CUEDC1: variants seen among roughly 807,000 people sequenced by gnomAD.
CUEDC1 encodes the protein CUE domain containing 1.
CUEDC1 carries 30 observed loss-of-function variants against 43.7 expected under a neutral mutation model. That is an observed-to-expected ratio of 0.69 (90% CI 0.51 to 0.93). The LOEUF (loss-of-function observed/expected upper bound fraction) is 0.93, where lower values mean the gene tolerates loss of function less well. Among genes scored for constraint, CUEDC1 ranks in the 40% least tolerant of loss-of-function variants. The pLI, the probability that CUEDC1 is intolerant of heterozygous loss-of-function variation, is 0.00. For missense variants in CUEDC1, 486 were observed against 549.0 expected (o/e 0.89, Z 1.15); for synonymous variants, 223 against 223.6 (o/e 1.00, Z 0.02).
At chr17:57,866,723 G>A in intron 9 of CUEDC1, 179 bp from the exon 10 acceptor site, 1 of 601,830 alleles carries the variant, frequency 1.7e-6, no homozygotes, top group Non-Finnish European at 2.9e-6. Flanking sequence ...GGACACTCAG[G>A]TGCTGGCCAG....
chr17:57,950,531 G>A (rs943467389), intron 1 of CUEDC1, among the ~76,000 whole-genome samples: 8 of 149,750 alleles, frequency 5.3e-5, no homozygotes, highest in East Asian at 2.0e-4. Context: ...GGAGTGTAAC[G>A]CTGTGATCTC....
intron 1 of CUEDC1, among the ~76,000 whole-genome samples, chr17:57,889,193 G>A (rs987031246): frequency 1.1e-4 from 17 of 152,308 alleles, no homozygotes; most frequent in African/African-American, 4.1e-4. Context: ...AATGAAATAA[G>A]ATAATCCTCA....
At chr17:57,951,481 C>T (rs1392235743) in intron 1 of CUEDC1, among the ~76,000 whole-genome samples, 1 of 151,298 alleles carries the variant, frequency 6.6e-6, no homozygotes, top group Non-Finnish European at 1.5e-5. Flanking sequence ...TTTTTTGAGA[C>T]AGAGTCTCAC....
intron 1 of CUEDC1, among the ~76,000 whole-genome samples, chr17:57,928,595 C>T (rs10515151): frequency 0.061 from 9,146 of 151,144 alleles, 1,008 homozygotes; most frequent in African/African-American, 0.21. Context: ...AACAACCCTC[C>T]GATGCCTTGT....
chr17:57,915,880 C>T (rs17835083), intron 1 of CUEDC1, among the ~76,000 whole-genome samples: 12,777 of 152,262 alleles, frequency 0.084, 721 homozygotes, highest in Middle Eastern at 0.2. Context: ...TAAAGACATG[C>T]TCCCAAGCTG....
chr17:57,941,108 A>G (rs1233791958), intron 1 of CUEDC1, among the ~76,000 whole-genome samples: 1 of 152,214 alleles, frequency 6.6e-6, no homozygotes, highest in East Asian at 1.9e-4. Context: ...AGAAGGCATC[A>G]AGGAGGAGTC....
At chr17:57,922,593 G>A (rs2074708647) in intron 1 of CUEDC1, 1 of 152,166 alleles carries the variant, frequency 6.6e-6, no homozygotes, top group African/African-American at 2.4e-5. Context: ...CCTCGGGGCA[G>A]ACAATTCCAG....
chr17:57,941,076 G>A (rs2074912973), intron 1 of CUEDC1, among the ~76,000 whole-genome samples: 1 of 152,156 alleles, frequency 6.6e-6, no homozygotes, highest in African/African-American at 2.4e-5. Flanking sequence ...TGCTTCCCTT[G>A]CTCTGGGCGC....
chr17:57,938,915 G>A (rs1423128896), intron 1 of CUEDC1, among the ~76,000 whole-genome samples: 1 of 149,118 alleles, frequency 6.7e-6, no homozygotes, highest in East Asian at 2.0e-4. Flanking sequence ...GCCTGCCTCA[G>A]CCTCCAAAAT....
At chr17:57,882,426 C>G (rs1336189013) in intron 2 of CUEDC1, among the ~76,000 whole-genome samples, 1 of 152,090 alleles carries the variant, frequency 6.6e-6, no homozygotes, top group African/African-American at 2.4e-5. Flanking sequence ...GGTGGTGAAG[C>G]CTTGCAGAGG....
At chr17:57,913,223 G>GA (rs2074603142) in intron 1 of CUEDC1, among the ~76,000 whole-genome samples, 1 of 151,994 alleles carries the variant, frequency 6.6e-6, no homozygotes, top group Admixed American at 6.5e-5. Context: ...AACTACTTGG[G>GA]AGGCTGAGGC....
chr17:57,943,417 G>A (rs546095626), intron 1 of CUEDC1, among the ~76,000 whole-genome samples: 1 of 152,230 alleles, frequency 6.6e-6, no homozygotes, highest in East Asian at 1.9e-4. Context: ...GAAGTCACCC[G>A]AGTTCCCATC....
intron 1 of CUEDC1, chr17:57,903,023 G>C (rs1313264502): frequency 6.6e-6 from 1 of 152,254 alleles, no homozygotes; most frequent in African/African-American, 2.4e-5. Flanking sequence ...GGACAAAGAG[G>C]GAAACTGAGT....
intron 1 of CUEDC1, among the ~76,000 whole-genome samples, chr17:57,900,619 T>C (rs2074461077): frequency 6.6e-6 from 1 of 152,250 alleles, no homozygotes; most frequent in Non-Finnish European, 1.5e-5. Flanking sequence ...AATGTAGTAG[T>C]GCAGGTTATT....
At chr17:57,941,122 A>G (rs1243648332) in intron 1 of CUEDC1, among the ~76,000 whole-genome samples, 1 of 152,202 alleles carries the variant, frequency 6.6e-6, no homozygotes, top group Non-Finnish European at 1.5e-5. Flanking sequence ...AGGAGTCATC[A>G]AGAGAGCAGG....
At chr17:57,929,076 G>A (rs971948187) in intron 1 of CUEDC1, among the ~76,000 whole-genome samples, 1 of 152,076 alleles carries the variant, frequency 6.6e-6, no homozygotes, top group Non-Finnish European at 1.5e-5. Context: ...AAAAACAAGG[G>A]TGTTCCTTAA....
intron 1 of CUEDC1, among the ~76,000 whole-genome samples, chr17:57,936,307 C>A (rs2074861482): frequency 6.6e-6 from 1 of 152,230 alleles, no homozygotes. Context: ...TTGGCCCTTC[C>A]CCAGGAGAAG....
chr17:57,875,728 A>T (rs2074114385), intron 3 of CUEDC1, among the ~76,000 whole-genome samples: 1 of 151,608 alleles, frequency 6.6e-6, no homozygotes, highest in Non-Finnish European at 1.5e-5. Flanking sequence ...GCTGGGGAGG[A>T]TTTCCCAGCC....
chr17:57,926,160 G>A (rs1400048424), intron 1 of CUEDC1, among the ~76,000 whole-genome samples: 1 of 152,186 alleles, frequency 6.6e-6, no homozygotes, highest in African/African-American at 2.4e-5. Flanking sequence ...TTGCGAGAGG[G>A]GCAGAGTCAA....
Sources: allele counts gnomAD v4.1 joint callset (sites outside exome capture counted in the v4.1 genomes callset), GRCh38; gene constraint gnomAD v4.1.1; transcripts MANE v1.5; gene names NCBI Gene and HGNC (gene_info 2026-07-23, HGNC 2026-07-21).